ARHGEF12: variants seen among roughly 807,000 people sequenced by gnomAD.
ARHGEF12 encodes the protein Rho guanine nucleotide exchange factor 12, also known as KMT2A/ARHGEF12 fusion protein.
ARHGEF12 carries 66 observed loss-of-function variants against 211.2 expected under a neutral mutation model. The ratio of observed to expected loss-of-function variants is 0.31; its 90% CI spans 0.26 to 0.38. ARHGEF12 has a LOEUF of 0.38. Ranked by LOEUF, ARHGEF12 falls within the 10% of genes least tolerant of loss-of-function variation. The pLI, the probability that ARHGEF12 is intolerant of heterozygous loss-of-function variation, is 1.00. For synonymous variants in ARHGEF12, 592 were observed against 638.4 expected, an observed-to-expected ratio of 0.93 and a Z score of 1.09; for missense variants, 1,429 against 1,869.5, an observed-to-expected ratio of 0.76 and a Z score of 4.34.
intron 11 of ARHGEF12, among the ~76,000 whole-genome samples, chr11:120,433,142 A>C (rs1591585370): frequency 6.6e-6 from 1 of 152,198 alleles, no homozygotes; most frequent in South Asian, 2.1e-4. Context: ...AAAAGAAAAA[A>C]TTGAGGCCAA....
At chr11:120,423,443 G>A (rs1262990845) in intron 6 of ARHGEF12, among the ~76,000 whole-genome samples, 6 of 152,116 alleles carry the variant, frequency 3.9e-5, no homozygotes, top group Admixed American at 3.9e-4. Flanking sequence ...GAAGTCGTGT[G>A]TACAGGGAAA....
chr11:120,465,413 T>C, intron 28 of ARHGEF12, 51 bp downstream of exon 28: 1 of 1,604,600 alleles, frequency 6.2e-7, no homozygotes, highest in Non-Finnish European at 8.5e-7. Flanking sequence ...TTTTTATCAA[T>C]TATCAGATAA....
chr11:120,484,462 C>G lies in ARHGEF12; in HGVS notation c.4579C>G (p.Leu1527Val). The change falls in exon 40 of 41, where the codon CTT becomes GTT. Residue 1527 changes from leucine to valine, a missense_variant. This residue lies in a region of ARHGEF12 where 467 missense variants were observed against 468.4 expected (regional missense o/e 1.00). Coordinates refer to ENST00000397843, the MANE Select transcript of ARHGEF12 (RefSeq NM_015313.3). ...LKKVEESYTI[L>V]CQRLAGSALT... ...GAAGGTGGAGGAAAGTTACACCATT[C>G]TTTGCCAAAGGCTGGCTGGATCAGC... 1 of 1,614,038 alleles carries G rather than the reference C, an allele frequency of 6.2e-7. No homozygotes were observed. Among genetic ancestry groups the G allele is most frequent in the Non-Finnish European group, 8.5e-7 (1 of 1,179,992 alleles).
chr11:120,433,967 T>TA (rs201426179), intron 11 of ARHGEF12, among the ~76,000 whole-genome samples: 25 of 146,688 alleles, frequency 1.7e-4, no homozygotes, highest in South Asian at 4.4e-4. Flanking sequence ...CAGGGGTGGG[T>TA]AAAAAAAAAA....
rs1947477301 is a variant in ARHGEF12, at chr11:120,489,298, G to A, written c.*4221G>A. The A allele has an allele frequency of 4.4e-6, 1 of 226,138 alleles. No individual in the cohort carries two copies. Among genetic ancestry groups the A allele is most frequent in the Non-Finnish European group, 8.8e-6 (1 of 113,726 alleles). The allele number at this position is 226,138 out of a possible 1,614,324, so 14.0% of individuals were successfully genotyped here. ...ATATCATATAATTCATCCATTTAAAGTGTATAATCAGATGGGTTTTGGTAT... is the reference window on the plus strand; with the variant it reads ...ATATCATATAATTCATCCATTTAAAATGTATAATCAGATGGGTTTTGGTAT... On this transcript the variant is annotated 3_prime_UTR_variant, in exon 41 of 41. Transcript: ENST00000397843.
At chr11:120,445,840 G>A (rs1946027689) in intron 16 of ARHGEF12, among the ~76,000 whole-genome samples, 3 of 152,026 alleles carry the variant, frequency 2.0e-5, no homozygotes, top group South Asian at 2.1e-4. Context: ...GGAGGTTGCA[G>A]TGAGCTGAGA....
chr11:120,431,975 T>G lies in ARHGEF12; in HGVS notation c.924+64T>G. On this transcript the variant is annotated intron_variant, in intron 11 of 40. Coordinates refer to ENST00000397843, the MANE Select transcript of ARHGEF12 (RefSeq NM_015313.3). ...TCTTCTTTACAGCCCCTTTCTAGATTTGATTTTAAGTGATGTGAATTAGAG... is the reference window on the plus strand; with the variant it reads ...TCTTCTTTACAGCCCCTTTCTAGATGTGATTTTAAGTGATGTGAATTAGAG... The G allele has an allele frequency of 4.1e-6, 6 of 1,447,680 alleles. No homozygotes were observed. In the South Asian group the frequency reaches 9.6e-5, roughly 23 times the overall value. 89.7% of individuals were successfully genotyped at this position (1,447,680 alleles called of 1,614,324 possible). A position where few individuals can be genotyped will look rare whatever the true frequency, so the allele number is the denominator to read the frequency against.
chr11:120,426,272 T>C (rs756848223), intron 7 of ARHGEF12, among the ~76,000 whole-genome samples: 18 of 152,240 alleles, frequency 1.2e-4, no homozygotes, highest in Non-Finnish European at 1.9e-4. Flanking sequence ...TTCTAGGTTA[T>C]ATTTTTTGCT....
chr11:120,402,983 G>C (rs991480926), intron 1 of ARHGEF12, among the ~76,000 whole-genome samples: 1 of 152,114 alleles, frequency 6.6e-6, no homozygotes, highest in Non-Finnish European at 1.5e-5. Flanking sequence ...TAAAATGTAA[G>C]TCTTACTCTA....
At chr11:120,435,512 C>CTTTT (rs61516865) in intron 11 of ARHGEF12, among the ~76,000 whole-genome samples, 31 of 106,272 alleles carry the variant, frequency 2.9e-4, no homozygotes, top group Non-Finnish European at 3.8e-4. Context: ...CCCTGTCAAG[C>CTTTT]TTTTTTTTTT....
At chr11:120,448,914 A>C (rs1946125043) in intron 20 of ARHGEF12, 195 bp from the exon 21 acceptor site, 2 of 446,892 alleles carry the variant, frequency 4.5e-6, no homozygotes, top group Non-Finnish European at 3.9e-6. Flanking sequence ...GAGTTTGAAG[A>C]AAACATCTTG....
At position 120,374,930 on chromosome 11, in the gene ARHGEF12, A is replaced by G. The variant is rs564879117; in HGVS notation, c.33-31188A>G. ...AAATTTCATAAATTTTTGGATATCA[A>G]CTCTCAGAAGGGTATACTAGTAATT... On this transcript the variant is annotated intron_variant, in intron 1 of 40. Transcript: ENST00000397843. Among the ~76,000 whole-genome samples, 160 of 152,114 alleles carry G rather than the reference A, an allele frequency of 1.1e-3. 2 individuals are homozygous for G. The highest frequency in any genetic ancestry group is 3.4e-3 in the African/African-American group (140 of 41,492).
chr11:120,437,973 G>C (rs185707307), intron 12 of ARHGEF12, among the ~76,000 whole-genome samples: 2 of 152,142 alleles, frequency 1.3e-5, no homozygotes, highest in African/African-American at 4.8e-5. Flanking sequence ...TTATCTGTCC[G>C]TTTGTCAGTG....
chr11:120,478,493 C>G (rs975777692), intron 37 of ARHGEF12, 104 bp downstream of exon 37: 1 of 1,091,338 alleles, frequency 9.2e-7, no homozygotes, highest in East Asian at 2.6e-5. Context: ...TCTTCTAGTT[C>G]TATTGTGGAG....
At chr11:120,448,083 C>G in intron 19 of ARHGEF12, 151 bp from the exon 20 acceptor site, 1 of 746,272 alleles carries the variant, frequency 1.3e-6, no homozygotes, top group Non-Finnish European at 2.2e-6. Context: ...GTAGAATTCT[C>G]TTCTCTGTGC....
intron 4 of ARHGEF12, among the ~76,000 whole-genome samples, chr11:120,415,675 A>C (rs1364285070): frequency 1.3e-5 from 2 of 152,210 alleles, no homozygotes; most frequent in African/African-American, 4.8e-5. Flanking sequence ...AATAGATTTG[A>C]GCATTTGAAG....
At chr11:120,409,162 G>T in intron 3 of ARHGEF12, 2 of 509,336 alleles carry the variant, frequency 3.9e-6, no homozygotes, top group Admixed American at 3.3e-5. Flanking sequence ...TTCATGTGTT[G>T]TTTTGTTTGA....
chr11:120,481,596 C>A lies in ARHGEF12; in HGVS notation c.4554+20C>A, dbSNP rs370647446. 26 of 1,606,524 alleles carry A rather than the reference C, an allele frequency of 1.6e-5. No homozygotes were observed. The African/African-American group carries it at 3.1e-4, about 19-fold the overall frequency. On this transcript the variant is annotated intron_variant, in intron 39 of 40. Transcript: ENST00000397843. ...TTAAAGGTACCTCATACTTCCACAT[C>A]CATAGGACTTGGTTGTAAGAAACAT...
Position 120,480,139 on chromosome 11 carries a change from A to G in ARHGEF12, c.3946A>G (p.Arg1316Gly). The change falls in exon 38 of 41, where the codon AGA becomes GGA. Residue 1316 changes from arginine (R) to glycine (G), a missense_variant. Around this residue, in one of 7 missense-constraint regions of ARHGEF12, gnomAD observed 467 missense variants for 468.4 expected, o/e 1.00. Transcript: ENST00000397843. ...TTCTGGTGAAGGACATATGCCCTTT[A>G]GAACTGGAACTGGTGACATTGCAAC... Reference protein sequence around the residue: ...YHSGEGHMPFRTGTGDIATCY... With the variant: ...YHSGEGHMPFGTGTGDIATCY... The G allele has an allele frequency of 6.2e-7, 1 of 1,614,252 alleles. No homozygotes were observed. Among genetic ancestry groups the G allele is most frequent in the East Asian group, 2.2e-5 (1 of 44,894 alleles).
Sources: gnomAD v4.1 joint callset for allele counts (sites outside exome capture counted in the v4.1 genomes callset) on GRCh38, gnomAD v4.1.1 for gene constraint, gnomAD v4.1.1 regional missense constraint, MANE v1.5 for transcripts, NCBI Gene and HGNC (gene_info 2026-07-23, HGNC 2026-07-21) for gene names.